Variants in BRINP1 observed in about 807,000 individuals in gnomAD.
BRINP1 encodes BMP/retinoic acid-inducible neural-specific protein 1.
In BRINP1, 17 loss-of-function variants were observed where a neutral mutation model predicts 72.9. The ratio of observed to expected loss-of-function variants is 0.23; its 90% CI spans 0.16 to 0.35. The LOEUF is 0.35. Ranked by LOEUF, BRINP1 falls within the 10% of genes least tolerant of loss-of-function variation. The pLI is 1.00. For synonymous variants in BRINP1, 418 were observed against 378.5 expected (o/e 1.10, Z -1.21); for missense variants, 850 against 1,001.6 (o/e 0.85, Z 2.04).
intron 7 of BRINP1, among the ~76,000 whole-genome samples, chr9:119,197,120 T>C (rs1228123770): frequency 2.6e-5 from 4 of 152,192 alleles, no homozygotes; most frequent in African/African-American, 9.6e-5. Context: ...ATTGCAAATA[T>C]GGCAAGTGCT....
At chr9:119,237,614 G>A (rs59197153) in intron 5 of BRINP1, among the ~76,000 whole-genome samples, 161 of 149,562 alleles carry the variant, frequency 1.1e-3, no homozygotes, top group Middle Eastern at 7.5e-3. Context: ...CGCCCGCCTC[G>A]GCCTCCCAAA....
At chr9:119,354,648 C>T (rs1030799764) in intron 1 of BRINP1, among the ~76,000 whole-genome samples, 2 of 151,896 alleles carry the variant, frequency 1.3e-5, no homozygotes, top group African/African-American at 4.8e-5. Flanking sequence ...TCGCTTAAGG[C>T]CAGCAGTTCA....
chr9:119,323,174 C>T (rs1322427010), intron 1 of BRINP1, among the ~76,000 whole-genome samples: 1 of 152,154 alleles, frequency 6.6e-6, no homozygotes, highest in Non-Finnish European at 1.5e-5. Context: ...GGCCCCTCAC[C>T]TCAAGCTTCC....
At chr9:119,228,630 A>G (rs570446229) in intron 5 of BRINP1, among the ~76,000 whole-genome samples, 1 of 152,196 alleles carries the variant, frequency 6.6e-6, no homozygotes, top group Admixed American at 6.5e-5. Flanking sequence ...GTAGAATGCC[A>G]TTGAGTAGAG....
chr9:119,323,594 G>C, intron 1 of BRINP1, among the ~76,000 whole-genome samples: 1 of 152,178 alleles, frequency 6.6e-6, no homozygotes, highest in East Asian at 1.9e-4. Context: ...AGAAATCCCA[G>C]AGAAAAAGGA....
intron 7 of BRINP1, among the ~76,000 whole-genome samples, chr9:119,182,118 T>C (rs1829564251): frequency 6.6e-6 from 1 of 152,198 alleles, no homozygotes; most frequent in African/African-American, 2.4e-5. Context: ...AATATCCATA[T>C]TAAACAAAAT....
At position 119,238,672 on chromosome 9, in the gene BRINP1, C is replaced by G. The variant is rs1353507495; in HGVS notation, c.668G>C (p.Ser223Thr). 1 of 1,609,550 alleles carries G rather than the reference C, an allele frequency of 6.2e-7. No homozygotes were observed. Among genetic ancestry groups the G allele is most frequent in the Non-Finnish European group, 8.5e-7 (1 of 1,178,554 alleles). ...VSSVLLQSTE[S>T]KLHLQGLQII... ...CTTCCTACCTTGAAGGTGCAGTTTG[C>G]TCTCCGTGCTTTGCAGAAGGACGGA... is the stretch of plus-strand genomic sequence containing the variant. The change falls in exon 5 of 8, where the codon AGC becomes ACC. Residue 223 changes from serine (S) to threonine (T), a missense_variant. By Grantham distance (58) the Ser-to-Thr change is moderately conservative. Coordinates refer to ENST00000265922, the MANE Select transcript of BRINP1 (RefSeq NM_014618.3).
intron 7 of BRINP1, among the ~76,000 whole-genome samples, chr9:119,198,980 T>C (rs1829775889): frequency 1.3e-5 from 2 of 152,188 alleles, no homozygotes; most frequent in Non-Finnish European, 2.9e-5. Flanking sequence ...GCCTTGAATA[T>C]ATTAACATTC....
rs1829328211 is a variant in BRINP1, at chr9:119,167,326, G to C, written c.2044C>G (p.Gln682Glu). Reference sequence around the variant, plus strand: ...GAAGAGGAATAGAACTGGCCGCCCTGTGTGTAGGACTGGTTGACCTGCTGC... The same window carrying C: ...GAAGAGGAATAGAACTGGCCGCCCTCTGTGTAGGACTGGTTGACCTGCTGC... Reference protein sequence around the residue: ...AVQQVNQSYTQGGQFYSSSSV... With the variant: ...AVQQVNQSYTEGGQFYSSSSV... The change falls in exon 8 of 8, where the codon CAG (glutamine) becomes GAG (glutamate). Residue 682 changes from glutamine (Q) to glutamate (E), a missense_variant. Gln to Glu is a conservative substitution (Grantham distance 29). Coordinates refer to ENST00000265922, the MANE Select transcript of BRINP1 (RefSeq NM_014618.3). The surrounding 1 kb of genome is among the most constrained non-coding windows in gnomAD (Gnocchi z 4.3). 1.2e-6 allele frequency: 2 copies of C among 1,614,178 alleles called. No homozygotes were observed. The highest frequency in any genetic ancestry group is 1.7e-6 in the Non-Finnish European group (2 of 1,180,038).
In BRINP1 at chr9:119,167,693, C is replaced by T. The variant is rs777071485; in HGVS notation, c.1677G>A (p.Met559Ile). ...TAAAGGGGTTGACATAGACAAAGAA[C>T]ATGGGGTCCAGGCTGCTGTTGCGCA... is the stretch of plus-strand genomic sequence containing the variant. Reference protein sequence around the residue: ...CQMRNSSLDPMFFVYVNPFSG... With the variant: ...CQMRNSSLDPIFFVYVNPFSG... The change falls in exon 8 of 8, where the codon ATG becomes ATA. Residue 559 changes from methionine (M) to isoleucine (I), a missense_variant. Coordinates refer to ENST00000265922, the MANE Select transcript of BRINP1 (RefSeq NM_014618.3). This position sits in a 1 kb window ranked among gnomAD's most constrained non-coding sequence, Gnocchi z 4.3. The T allele has an allele frequency of 2.5e-6, 4 of 1,613,996 alleles. No individual in the cohort carries two copies. The highest frequency in any genetic ancestry group is 3.4e-6 in the Non-Finnish European group (4 of 1,180,028).
intron 7 of BRINP1, among the ~76,000 whole-genome samples, chr9:119,173,332 C>G (rs1829440338): frequency 6.8e-6 from 1 of 146,560 alleles, no homozygotes; most frequent in Admixed American, 6.8e-5. Context: ...TTCTTATACA[C>G]CAACAACAGA....
intron 1 of BRINP1, among the ~76,000 whole-genome samples, chr9:119,357,176 C>T (rs965516724): frequency 2.6e-5 from 4 of 152,216 alleles, no homozygotes; most frequent in Non-Finnish European, 5.9e-5. Flanking sequence ...TGGACATTTT[C>T]TGGTATATCA....
At chr9:119,274,775 T>C (rs1250421257) in intron 2 of BRINP1, among the ~76,000 whole-genome samples, 1 of 152,152 alleles carries the variant, frequency 6.6e-6, no homozygotes, top group Non-Finnish European at 1.5e-5. Flanking sequence ...ATCAGAATCC[T>C]AAAGCATCAA....
chr9:119,300,452 C>T (rs1406757952), intron 2 of BRINP1, among the ~76,000 whole-genome samples: 1 of 152,124 alleles, frequency 6.6e-6, no homozygotes, highest in Non-Finnish European at 1.5e-5. Flanking sequence ...CTATGCATTG[C>T]ATACCTGTAT....
At chr9:119,345,304 G>A (rs1587967981) in intron 1 of BRINP1, among the ~76,000 whole-genome samples, 1 of 152,070 alleles carries the variant, frequency 6.6e-6, no homozygotes, top group Non-Finnish European at 1.5e-5. Flanking sequence ...GTGATAAGAA[G>A]GTCTTCATCA....
chr9:119,175,257 T>TAACAA (rs1829472488), intron 7 of BRINP1, among the ~76,000 whole-genome samples: 1 of 150,168 alleles, frequency 6.7e-6, no homozygotes, highest in Non-Finnish European at 1.5e-5. Flanking sequence ...CTCAGCAAAC[T>TAACAA]AACAAACATA....
At chr9:119,241,005 G>A (rs935349500) in intron 4 of BRINP1, among the ~76,000 whole-genome samples, 7 of 152,170 alleles carry the variant, frequency 4.6e-5, no homozygotes, top group African/African-American at 9.7e-5. Context: ...ATTTTATGTC[G>A]AGGATGTCCT....
chr9:119,325,030 G>A (rs1292851318), intron 1 of BRINP1, among the ~76,000 whole-genome samples: 3 of 151,956 alleles, frequency 2.0e-5, no homozygotes, highest in Non-Finnish European at 4.4e-5. Flanking sequence ...AACCAGGGAG[G>A]CGAAAGTTGT....
chr9:119,262,596 A>C (rs2118937018), intron 2 of BRINP1, among the ~76,000 whole-genome samples: 1 of 147,502 alleles, frequency 6.8e-6, no homozygotes, highest in South Asian at 2.2e-4. Context: ...CAGTGAGCCG[A>C]GATCATGCCA....
Sources: allele counts gnomAD v4.1 joint callset (sites outside exome capture counted in the v4.1 genomes callset), GRCh38; gene constraint gnomAD v4.1.1; non-coding constraint Gnocchi (gnomAD v3.1); transcripts MANE v1.5; gene names NCBI Gene and HGNC (gene_info 2026-07-23, HGNC 2026-07-21).